Variants in KCNQ3 observed in about 807,000 individuals in gnomAD.
KCNQ3 encodes the protein potassium voltage-gated channel subfamily KQT member 3.
A neutral mutation model predicts 92.5 loss-of-function variants in KCNQ3; 30 were observed. The observed-to-expected ratio is 0.32, with a 90% CI of 0.24 to 0.44. The LOEUF (loss-of-function observed/expected upper bound fraction) is 0.44. Ranked by LOEUF, KCNQ3 falls within the 20% of genes least tolerant of loss-of-function variation. The pLI is 1.00. For missense variants in KCNQ3, 913 were observed against 1,140.3 expected, an observed-to-expected ratio of 0.80 and a Z score of 2.87; for synonymous variants, 450 against 468.8, an observed-to-expected ratio of 0.96 and a Z score of 0.52.
chr8:132,187,954 G>GATGATGTTGCTGGTGGTAGTGC (rs879553863), intron 1 of KCNQ3, among the ~76,000 whole-genome samples: 8,940 of 149,960 alleles, frequency 0.06, 416 homozygotes, highest in African/African-American at 0.097. Flanking sequence ...GGTGGTGGTT[G>GATGATGTTGCTGGTGGTAGTGC]TGATGATGGT....
chr8:132,441,582 A>C (rs1821538548), intron 1 of KCNQ3, among the ~76,000 whole-genome samples: 1 of 150,844 alleles, frequency 6.6e-6, no homozygotes, highest in Non-Finnish European at 1.5e-5. Flanking sequence ...AAAACAAAAC[A>C]AAACAAACAA....
intron 1 of KCNQ3, among the ~76,000 whole-genome samples, chr8:132,217,406 G>GC (rs1814071825): frequency 6.6e-6 from 1 of 152,040 alleles, no homozygotes; most frequent in Non-Finnish European, 1.5e-5. Flanking sequence ...TGAGGTAAAG[G>GC]CCCATATAAA....
intron 1 of KCNQ3, among the ~76,000 whole-genome samples, chr8:132,424,037 A>G (rs996959447): frequency 6.6e-6 from 1 of 152,126 alleles, no homozygotes; most frequent in Non-Finnish European, 1.5e-5. Context: ...AATGATCTCA[A>G]ATGAAAAGCT....
intron 1 of KCNQ3, among the ~76,000 whole-genome samples, chr8:132,428,102 G>C (rs932000589): frequency 1.3e-5 from 2 of 151,930 alleles, no homozygotes; most frequent in Non-Finnish European, 2.9e-5. Context: ...CTGCAACTCT[G>C]TCTCTCTCGA....
At chr8:132,280,655 G>T (rs1816485323) in intron 1 of KCNQ3, among the ~76,000 whole-genome samples, 2 of 152,198 alleles carry the variant, frequency 1.3e-5, no homozygotes, top group Non-Finnish European at 2.9e-5. Flanking sequence ...GAGACCTTTT[G>T]GTGGAGATGA....
At chr8:132,199,847 T>C (rs894906000) in intron 1 of KCNQ3, among the ~76,000 whole-genome samples, 3 of 151,290 alleles carry the variant, frequency 2.0e-5, no homozygotes. Context: ...GAAGCTGAGG[T>C]TGGAGTGAGC....
chr8:132,374,462 G>A (rs1819557942), intron 1 of KCNQ3, among the ~76,000 whole-genome samples: 2 of 152,142 alleles, frequency 1.3e-5, no homozygotes, highest in South Asian at 2.1e-4. Flanking sequence ...CAGGGGCCTT[G>A]GCCCAGTACT....
At chr8:132,237,451 C>T (rs1430758197) in intron 1 of KCNQ3, among the ~76,000 whole-genome samples, 5 of 152,162 alleles carry the variant, frequency 3.3e-5, no homozygotes, top group East Asian at 1.9e-4. Flanking sequence ...GGAACAGACA[C>T]CTTAATTATG....
chr8:132,313,873 A>G (rs1396415100), intron 1 of KCNQ3, among the ~76,000 whole-genome samples: 2 of 152,242 alleles, frequency 1.3e-5, no homozygotes, highest in African/African-American at 2.4e-5. Flanking sequence ...CAACAGGCCC[A>G]TGCACTGGTT....
chr8:132,404,857 G>A lies in KCNQ3; in HGVS notation c.386+75290C>T, dbSNP rs138230434. Among the ~76,000 whole-genome samples the A allele has an allele frequency of 3.1e-4, 47 of 152,178 alleles. No homozygotes were observed. In the East Asian group the frequency reaches 6.4e-3, roughly 21 times the overall value. ...GTGATAAGCATTTATCTTAATCTTC[G>A]CAATAACCCCATTGTCCTGATTTTT... is the stretch of plus-strand genomic sequence containing the variant. On this transcript the variant is annotated intron_variant, in intron 1 of 14. Transcript: ENST00000388996.
At chr8:132,415,351 A>T (rs1439083806) in intron 1 of KCNQ3, among the ~76,000 whole-genome samples, 1 of 152,200 alleles carries the variant, frequency 6.6e-6, no homozygotes, top group East Asian at 1.9e-4. Flanking sequence ...ACCAGGCTGG[A>T]CAGTGAGGTG....
chr8:132,359,148 T>C (rs555634913), intron 1 of KCNQ3, among the ~76,000 whole-genome samples: 1 of 152,190 alleles, frequency 6.6e-6, no homozygotes, highest in Non-Finnish European at 1.5e-5. Context: ...AATACAGTGA[T>C]GAAGCATCAC....
At chr8:132,331,790 T>C (rs1265604520) in intron 1 of KCNQ3, among the ~76,000 whole-genome samples, 1 of 152,238 alleles carries the variant, frequency 6.6e-6, no homozygotes, top group South Asian at 2.1e-4. Flanking sequence ...AGAGATTTCC[T>C]TGATGGGCTA....
At chr8:132,314,199 CTAAATG>C (rs1337856016) in intron 1 of KCNQ3, among the ~76,000 whole-genome samples, 1 of 152,088 alleles carries the variant, frequency 6.6e-6, no homozygotes. Flanking sequence ...AAAACATTTC[CTAAATG>C]TAAACACTTA....
intron 1 of KCNQ3, among the ~76,000 whole-genome samples, chr8:132,382,046 G>A (rs1819765602): frequency 2.0e-5 from 3 of 152,238 alleles, no homozygotes; most frequent in Admixed American, 2.0e-4. Context: ...AGATTAAATG[G>A]CAAGCAATGC....
At chr8:132,278,904 G>A (rs1438339151) in intron 1 of KCNQ3, among the ~76,000 whole-genome samples, 1 of 152,140 alleles carries the variant, frequency 6.6e-6, no homozygotes, top group African/African-American at 2.4e-5. Flanking sequence ...ATTAGTATCA[G>A]TAGAGGGGCT....
chr8:132,336,225 A>ACAGGGG (rs1303245952), intron 1 of KCNQ3, among the ~76,000 whole-genome samples: 1 of 152,138 alleles, frequency 6.6e-6, no homozygotes, highest in Non-Finnish European at 1.5e-5. Flanking sequence ...GAAGCAAGTC[A>ACAGGGG]CAGGGGTCTC....
intron 1 of KCNQ3, among the ~76,000 whole-genome samples, chr8:132,276,755 G>A (rs1816344929): frequency 1.3e-5 from 2 of 152,152 alleles, no homozygotes; most frequent in African/African-American, 4.8e-5. Context: ...GGAAGAACCA[G>A]GCAGAAGCAA....
intron 1 of KCNQ3, among the ~76,000 whole-genome samples, chr8:132,336,507 A>G (rs1818371295): frequency 6.6e-6 from 1 of 152,212 alleles, no homozygotes; most frequent in South Asian, 2.1e-4. Flanking sequence ...GTAGGTGACC[A>G]CAAAGAGTAA....
Sources: gnomAD v4.1 joint callset for allele counts (sites outside exome capture counted in the v4.1 genomes callset) on GRCh38, gnomAD v4.1.1 for gene constraint, MANE v1.5 for transcripts, NCBI Gene and HGNC (gene_info 2026-07-23, HGNC 2026-07-21) for gene names.